The following IPCEF1 variants were observed in gnomAD, a reference collection of about 807,000 sequenced individuals.
The protein encoded by IPCEF1 is interactor protein for cytohesin exchange factors 1.
Under a neutral mutation model 50.9 loss-of-function variants are expected in IPCEF1, and 31 were observed. That is an observed-to-expected ratio of 0.61 (90% CI 0.46 to 0.82). IPCEF1 has a LOEUF of 0.82. Ranked by LOEUF, IPCEF1 falls within the 40% of genes least tolerant of loss-of-function variation. The probability of loss-of-function intolerance (pLI) is 0.00; values close to 1 mark genes in which losing one functional copy is unlikely to be tolerated. For missense variants in IPCEF1, 458 were observed against 514.0 expected (o/e 0.89, Z 1.05); for synonymous variants, 181 against 192.0 (o/e 0.94, Z 0.47).
intron 4 of IPCEF1, 174 bp from the exon 5 acceptor site, chr6:154,246,934 GCAAAA>G: frequency 6.7e-6 from 1 of 148,200 alleles, no homozygotes. Context: ...CAAAACCAAT[GCAAAA>G]AAAAAAAAAA....
chr6:154,253,930 T>TAA (rs1781398746), intron 3 of IPCEF1, among the ~76,000 whole-genome samples: 1 of 152,132 alleles, frequency 6.6e-6, no homozygotes, highest in African/African-American at 2.4e-5. Flanking sequence ...CTCCTAGAGG[T>TAA]GATGTATATC....
intron 1 of IPCEF1, among the ~76,000 whole-genome samples, chr6:154,294,944 A>G (rs553635043): frequency 9.8e-5 from 15 of 152,310 alleles, no homozygotes; most frequent in Non-Finnish European, 2.1e-4. Flanking sequence ...CATGCCTGTA[A>G]TCCCAGCACT....
chr6:154,248,639 G>C (rs1781250604), intron 3 of IPCEF1, among the ~76,000 whole-genome samples: 1 of 152,156 alleles, frequency 6.6e-6, no homozygotes. Context: ...ATAGTGAAAA[G>C]AGGAGAAGGT....
At chr6:154,182,916 A>T (rs4318891) in intron 10 of IPCEF1, among the ~76,000 whole-genome samples, 1 of 152,064 alleles carries the variant, frequency 6.6e-6, no homozygotes, top group Non-Finnish European at 1.5e-5. Context: ...GAAAGGAAGA[A>T]GTTAGCTTAT....
chr6:154,171,674 T>C (rs1034438686), intron 10 of IPCEF1, among the ~76,000 whole-genome samples: 11 of 152,216 alleles, frequency 7.2e-5, no homozygotes, highest in African/African-American at 2.7e-4. Flanking sequence ...GAGATTGTCA[T>C]GAGAGCTGAT....
Position 154,168,110 on chromosome 6 carries a change from T to C in IPCEF1, c.914A>G (p.Glu305Gly). The part of the protein sequence containing the change: ...PAGSKIMDKE[E>G]TKVSEDDEME... ...TTCATCATCTTCAGACACTTTTGTCTCTTCTATTTGAAAAAAAAAAAGAAA... is the reference window on the plus strand; with the variant it reads ...TTCATCATCTTCAGACACTTTTGTCCCTTCTATTTGAAAAAAAAAAAGAAA... Residue 305 changes from glutamate to glycine, a missense_variant, in exon 11 of 12, where the codon GAG (glutamate) becomes GGG (glycine). By Grantham distance (98) the Glu-to-Gly change is moderately conservative. Coordinates refer to ENST00000367220, the MANE Select transcript of IPCEF1 (RefSeq NM_001130700.2). The surrounding 1 kb of genome is among the most constrained non-coding windows in gnomAD (Gnocchi z 4.1). The C allele has an allele frequency of 6.5e-7, 1 of 1,528,120 alleles. No homozygotes were observed. The highest frequency in any genetic ancestry group is 8.8e-7 in the Non-Finnish European group (1 of 1,130,910). The allele number at this position is 1,528,120 out of a possible 1,614,324, so 94.7% of individuals were successfully genotyped here. A position where few individuals can be genotyped will look rare whatever the true frequency, so the allele number is the denominator to read the frequency against.
intron 2 of IPCEF1, among the ~76,000 whole-genome samples, chr6:154,282,202 T>C (rs1168055230): frequency 6.6e-6 from 1 of 152,056 alleles, no homozygotes; most frequent in Non-Finnish European, 1.5e-5. Flanking sequence ...ATAAAATAAA[T>C]GGTTTTGCAG....
chr6:154,247,474 AC>A lies in IPCEF1; in HGVS notation c.50del (p.Arg17LeufsTer14). On this transcript the variant is annotated frameshift_variant, in exon 4 of 12. Coordinates refer to ENST00000367220, the MANE Select transcript of IPCEF1 (RefSeq NM_001130700.2). LOFTEE classifies it high-confidence loss of function. ...CTTGAGTTTTCCTCCTGGGCTTCTG[AC>A]GCAAGGGAACCTGCTGAAAATGCAG... ...IDGSALQVPLRQKPRRKTQGF... is the reference protein window; with the variant it reads ...IDGSALQVPLXQKPRRKTQGF... 6.2e-7 allele frequency: 1 copy of A among 1,612,736 alleles called. No homozygotes were observed. Among genetic ancestry groups the A allele is most frequent in the Non-Finnish European group, 8.5e-7 (1 of 1,178,908 alleles).
intron 2 of IPCEF1, among the ~76,000 whole-genome samples, chr6:154,267,804 C>T (rs941210139): frequency 1.3e-5 from 2 of 152,166 alleles, no homozygotes; most frequent in African/African-American, 4.8e-5. Flanking sequence ...ATGGGTTGCT[C>T]CTCCTTGCAG....
chr6:154,187,624 T>C (rs2128576829), intron 10 of IPCEF1, among the ~76,000 whole-genome samples: 1 of 152,306 alleles, frequency 6.6e-6, no homozygotes, highest in Non-Finnish European at 1.5e-5. Flanking sequence ...ATTATCTTAG[T>C]TATATATGGC....
At chr6:154,236,995 T>C (rs1780187051) in intron 5 of IPCEF1, among the ~76,000 whole-genome samples, 1 of 152,218 alleles carries the variant, frequency 6.6e-6, no homozygotes, top group Non-Finnish European at 1.5e-5. Flanking sequence ...GTTTAAACTT[T>C]CCTCTCTATG....
At chr6:154,295,105 G>A (rs891238809) in intron 1 of IPCEF1, among the ~76,000 whole-genome samples, 2 of 151,994 alleles carry the variant, frequency 1.3e-5, no homozygotes, top group Non-Finnish European at 2.9e-5. Flanking sequence ...AGCTGAGGCG[G>A]AAGAATGGCG....
At position 154,264,485 on chromosome 6, in the gene IPCEF1, G is replaced by A. The variant is rs139590319; in HGVS notation, c.36+1427C>T. ...CCTCCCAGATTCAAGTGATCCTTTCGCCTCAGCCTCCCGAGTAGCTGGGAC... is the reference window on the plus strand; with the variant it reads ...CCTCCCAGATTCAAGTGATCCTTTCACCTCAGCCTCCCGAGTAGCTGGGAC... On this transcript the variant is annotated intron_variant, in intron 3 of 11. Transcript: ENST00000367220. Among the ~76,000 whole-genome samples the A allele has an allele frequency of 6.4e-3, 977 of 151,964 alleles. 6 individuals carry two copies. Among genetic ancestry groups the A allele is most frequent in the African/African-American group, 0.023 (934 of 41,402 alleles).
intron 9 of IPCEF1, among the ~76,000 whole-genome samples, chr6:154,207,082 A>G (rs1777559736): frequency 1.3e-5 from 2 of 152,214 alleles, no homozygotes; most frequent in South Asian, 2.1e-4. Flanking sequence ...GACTAGAGAC[A>G]GGGAAAGAAA....
At chr6:154,354,062 G>A (rs1416289189) in intron 1 of IPCEF1, among the ~76,000 whole-genome samples, 1 of 152,126 alleles carries the variant, frequency 6.6e-6, no homozygotes, top group African/African-American at 2.4e-5. Context: ...AACTGATATC[G>A]ATAACTGCCA....
At chr6:154,328,706 G>A in intron 1 of IPCEF1, among the ~76,000 whole-genome samples, 1 of 151,300 alleles carries the variant, frequency 6.6e-6, no homozygotes, top group Non-Finnish European at 1.5e-5. Context: ...TGTGTCCTTT[G>A]ACTTCATTTG....
At chr6:154,315,210 T>C (rs1336055548) in intron 1 of IPCEF1, among the ~76,000 whole-genome samples, 2 of 152,226 alleles carry the variant, frequency 1.3e-5, no homozygotes, top group Non-Finnish European at 2.9e-5. Context: ...GATTAACATC[T>C]GTCTCTCCAT....
intron 5 of IPCEF1, among the ~76,000 whole-genome samples, chr6:154,228,764 G>A (rs1181199399): frequency 2.0e-5 from 3 of 152,194 alleles, no homozygotes; most frequent in Non-Finnish European, 1.5e-5. Flanking sequence ...GCTCATGCCT[G>A]TAATCTCAAG....
At chr6:154,301,508 GCT>G (rs1782794443) in intron 1 of IPCEF1, among the ~76,000 whole-genome samples, 1 of 152,176 alleles carries the variant, frequency 6.6e-6, no homozygotes, top group African/African-American at 2.4e-5. Flanking sequence ...CATAGAACAG[GCT>G]GCATTCTTAT....
Sources: gnomAD v4.1 joint callset for allele counts (sites outside exome capture counted in the v4.1 genomes callset) on GRCh38, gnomAD v4.1.1 for gene constraint, Gnocchi (gnomAD v3.1) non-coding constraint, MANE v1.5 for transcripts, NCBI Gene and HGNC (gene_info 2026-07-23, HGNC 2026-07-21) for gene names.